The following FAM149B1 variants were observed in gnomAD, a reference collection of about 807,000 sequenced individuals.
FAM149B1 encodes the protein family with sequence similarity 149 member B1.
FAM149B1 carries 56 observed loss-of-function variants against 75.3 expected under a neutral mutation model. The observed-to-expected ratio is 0.74, with a 90% confidence interval of 0.60 to 0.93. The LOEUF (loss-of-function observed/expected upper bound fraction) is 0.93, where lower values mean the gene tolerates loss of function less well. Ranked by LOEUF, FAM149B1 falls within the 40% of genes least tolerant of loss-of-function variation. The pLI, the probability that FAM149B1 is intolerant of heterozygous loss-of-function variation, is 0.00. For missense variants in FAM149B1, 639 were observed against 708.4 expected, an observed-to-expected ratio of 0.90 and a Z score of 1.11; for synonymous variants, 259 against 256.1, an observed-to-expected ratio of 1.01 and a Z score of -0.11.
intron 12 of FAM149B1, chr10:73,235,599 C>A: frequency 2.2e-6 from 1 of 459,986 alleles, no homozygotes; most frequent in Non-Finnish European, 3.5e-6. Flanking sequence ...CAGTACACAT[C>A]AGATAAGCAT....
chr10:73,224,965 A>G (rs2043502978), intron 7 of FAM149B1, among the ~76,000 whole-genome samples: 3 of 152,212 alleles, frequency 2.0e-5, no homozygotes, highest in Admixed American at 2.0e-4. Flanking sequence ...TGATGGTCTC[A>G]TAAGATTATA....
intron 1 of FAM149B1, among the ~76,000 whole-genome samples, chr10:73,170,975 AT>A (rs199626934): frequency 0.14 from 19,690 of 144,426 alleles, 1,895 homozygotes; most frequent in East Asian, 0.31. Flanking sequence ...TTTTCTTTCT[AT>A]TTTTTTTTTT....
chr10:73,190,270 GAC>G (rs1204888809), intron 3 of FAM149B1, among the ~76,000 whole-genome samples: 1 of 150,374 alleles, frequency 6.7e-6, no homozygotes, highest in Non-Finnish European at 1.5e-5. Flanking sequence ...CCCGAAGAAA[GAC>G]ATGTTTGAAA....
Position 73,239,298 on chromosome 10 carries a change from C to T in FAM149B1, c.1603-14C>T. On this transcript the variant is annotated splice_polypyrimidine_tract_variant and intron_variant, in intron 12 of 13. Coordinates refer to ENST00000242505, the MANE Select transcript of FAM149B1 (RefSeq NM_173348.2). The stretch of plus-strand genomic sequence containing the variant: ...AGATGCATCATAAGAAGTGTCTCCT[C>T]TTTTGTCTTGTAGCTGGATACACAG... 1 of 1,550,176 alleles carries T rather than the reference C, an allele frequency of 6.5e-7. No individual in the cohort carries two copies. The highest frequency in any genetic ancestry group is 8.7e-7 in the Non-Finnish European group (1 of 1,145,662).
intron 2 of FAM149B1, 126 bp downstream of exon 2, chr10:73,174,917 T>C: frequency 1.6e-6 from 1 of 625,144 alleles, no homozygotes. Context: ...TGTCATGTTC[T>C]CAGTACCATT....
At chr10:73,197,548 T>A (rs1423955917) in intron 5 of FAM149B1, among the ~76,000 whole-genome samples, 3 of 151,916 alleles carry the variant, frequency 2.0e-5, no homozygotes, top group African/African-American at 4.8e-5. Context: ...GGCGGGTGGA[T>A]CACTTAAGGT....
intron 3 of FAM149B1, among the ~76,000 whole-genome samples, chr10:73,179,028 G>A (rs1258817304): frequency 1.3e-5 from 2 of 151,396 alleles, no homozygotes; most frequent in Non-Finnish European, 2.9e-5. Flanking sequence ...GCAGTGGCAC[G>A]ATCTTGGCTC....
chr10:73,174,608 T>G (rs1589132554), intron 1 of FAM149B1, 79 bp from the exon 2 acceptor site: 4 of 1,035,958 alleles, frequency 3.9e-6, no homozygotes, highest in Non-Finnish European at 5.8e-6. Flanking sequence ...AGGAAGTAGG[T>G]GACTAACTTC....
chr10:73,173,331 T>C (rs986406314), intron 1 of FAM149B1, among the ~76,000 whole-genome samples: 10 of 152,174 alleles, frequency 6.6e-5, no homozygotes, highest in African/African-American at 1.9e-4. Flanking sequence ...CTTATCCAGT[T>C]TTTACATCCA....
chr10:73,205,055 C>T (rs1286731916), intron 5 of FAM149B1, among the ~76,000 whole-genome samples: 6 of 140,164 alleles, frequency 4.3e-5, no homozygotes, highest in South Asian at 2.3e-4. Context: ...CCTTGTGATC[C>T]GCCTGCCTCA....
chr10:73,187,116 TA>T (rs1034543981), intron 3 of FAM149B1, among the ~76,000 whole-genome samples: 10 of 151,758 alleles, frequency 6.6e-5, no homozygotes, highest in Non-Finnish European at 1.3e-4. Context: ...CACAATAGAA[TA>T]AAAAAAGTTC....
intron 5 of FAM149B1, among the ~76,000 whole-genome samples, chr10:73,197,727 G>T (rs373896602): frequency 6.6e-6 from 1 of 151,844 alleles, no homozygotes; most frequent in Admixed American, 6.6e-5. Flanking sequence ...CTGAGATCAC[G>T]TCACTGCACT....
At chr10:73,188,317 C>G (rs1435861550) in intron 3 of FAM149B1, among the ~76,000 whole-genome samples, 1 of 151,968 alleles carries the variant, frequency 6.6e-6, no homozygotes, top group Non-Finnish European at 1.5e-5. Context: ...AAAATTTGCT[C>G]AAAATGAATT....
chr10:73,184,392 T>C (rs1239898245), intron 3 of FAM149B1, among the ~76,000 whole-genome samples: 1 of 152,004 alleles, frequency 6.6e-6, no homozygotes, highest in East Asian at 1.9e-4. Context: ...GAAACTTTAA[T>C]ACCCCACTCT....
At chr10:73,211,973 A>C (rs975339082) in intron 7 of FAM149B1, among the ~76,000 whole-genome samples, 11 of 152,206 alleles carry the variant, frequency 7.2e-5, no homozygotes, top group Non-Finnish European at 1.5e-4. Flanking sequence ...CGGAGTCTCC[A>C]GTGTTTCTTA....
chr10:73,229,340 C>A (rs186594307), intron 8 of FAM149B1, among the ~76,000 whole-genome samples: 1 of 152,098 alleles, frequency 6.6e-6, no homozygotes, highest in Non-Finnish European at 1.5e-5. Flanking sequence ...AAAATTAGGC[C>A]AAGGTGGGTG....
intron 1 of FAM149B1, among the ~76,000 whole-genome samples, chr10:73,172,701 A>T (rs544537372): frequency 1.1e-4 from 17 of 152,294 alleles, no homozygotes; most frequent in Non-Finnish European, 2.2e-4. Context: ...TTGACCCCAT[A>T]GCTTAATCCA....
intron 3 of FAM149B1, among the ~76,000 whole-genome samples, chr10:73,184,624 T>G (rs908768780): frequency 3.3e-5 from 5 of 152,198 alleles, no homozygotes; most frequent in Non-Finnish European, 5.9e-5. Context: ...CAACATACAG[T>G]TGGGATATCC....
chr10:73,172,387 C>T (rs890487598), intron 1 of FAM149B1, among the ~76,000 whole-genome samples: 1 of 152,210 alleles, frequency 6.6e-6, no homozygotes, highest in Non-Finnish European at 1.5e-5. Flanking sequence ...AGAGGCCTTC[C>T]TCTGAGAGCC....
Sources: allele counts gnomAD v4.1 joint callset (sites outside exome capture counted in the v4.1 genomes callset), GRCh38; gene constraint gnomAD v4.1.1; transcripts MANE v1.5; gene names NCBI Gene and HGNC (gene_info 2026-07-23, HGNC 2026-07-21).